UNC79: variants seen among roughly 807,000 people sequenced by gnomAD.
UNC79 encodes the protein unc-79 subunit of NALCN channel complex, also known as protein unc-79 homolog.
Under a neutral mutation model 283.1 loss-of-function variants are expected in UNC79, and 37 were observed. That is an observed-to-expected ratio of 0.13 (90% CI 0.10 to 0.17). The LOEUF is 0.17. Ranked by LOEUF, UNC79 falls within the 10% of genes least tolerant of loss-of-function variation. UNC79 has a pLI of 1.00. For missense variants in UNC79, 2,272 were observed against 3,211.1 expected (o/e 0.71, Z 7.07); for synonymous variants, 1,107 against 1,200.2 (o/e 0.92, Z 1.61).
At chr14:93,655,146 T>C in intron 37 of UNC79, 88 bp from the exon 41 acceptor site, 2 of 1,456,782 alleles carry the variant, frequency 1.4e-6, no homozygotes, top group East Asian at 2.3e-5. Context: ...AGCCTGAAGA[T>C]GTGACTTTTA....
intron 1 of UNC79, among the ~76,000 whole-genome samples, chr14:93,459,865 T>G: frequency 4.5e-5 from 1 of 22,432 alleles, no homozygotes; most frequent in Non-Finnish European, 8.0e-5. Flanking sequence ...AGAGACGGGG[T>G]TTCACCGTGT....
intron 23 of UNC79, 95 bp downstream of exon 23, chr14:93,593,932 C>T: frequency 7.2e-7 from 1 of 1,380,692 alleles, no homozygotes. Flanking sequence ...CTTGTCCCTT[C>T]TTTTTAAAAG....
chr14:93,411,778 C>T (rs1230998318), intron 1 of UNC79, among the ~76,000 whole-genome samples: 2 of 152,234 alleles, frequency 1.3e-5, no homozygotes, highest in African/African-American at 4.8e-5. Context: ...GATCACAACA[C>T]TCAAGTCCTC....
At chr14:93,632,591 G>A (rs1360039192) in intron 31 of UNC79, among the ~76,000 whole-genome samples, 1 of 151,860 alleles carries the variant, frequency 6.6e-6, no homozygotes, top group Non-Finnish European at 1.5e-5. Context: ...CCCAGCTACT[G>A]GGGAGGGCAA....
chr14:93,403,231 C>G (rs1757540895), intron 1 of UNC79, among the ~76,000 whole-genome samples: 2 of 152,214 alleles, frequency 1.3e-5, no homozygotes, highest in Admixed American at 6.5e-5. Context: ...ATCAGATATG[C>G]ATTTTTCTCG....
At chr14:93,519,579 C>G (rs2140949274) in intron 7 of UNC79, among the ~76,000 whole-genome samples, 1 of 151,866 alleles carries the variant, frequency 6.6e-6, no homozygotes, top group East Asian at 1.9e-4. Context: ...ACTTGTATGA[C>G]TGAAGCCTAT....
chr14:93,589,920 G>A (rs1037391279), intron 22 of UNC79, among the ~76,000 whole-genome samples: 6 of 152,200 alleles, frequency 3.9e-5, no homozygotes, highest in African/African-American at 1.4e-4. Flanking sequence ...TATTAGCCAA[G>A]TATGGTGGTG....
chr14:93,463,925 G>A (rs538391788), intron 1 of UNC79, among the ~76,000 whole-genome samples: 2 of 152,202 alleles, frequency 1.3e-5, no homozygotes, highest in East Asian at 1.9e-4. Context: ...GGAGGCGGGC[G>A]GATCACGAGG....
chr14:93,428,560 T>C (rs899547590), upstream of UNC79, among the ~76,000 whole-genome samples: 1 of 152,160 alleles, frequency 6.6e-6, no homozygotes, highest in African/African-American at 2.4e-5. Context: ...TTAATGGGCA[T>C]GTCAGAAGGC....
At chr14:93,424,758 CA>C (rs896391966) in intron 1 of UNC79, among the ~76,000 whole-genome samples, 1 of 150,614 alleles carries the variant, frequency 6.6e-6, no homozygotes, top group Non-Finnish European at 1.5e-5. Flanking sequence ...TTAATGGGTA[CA>C]AAAAATAGTT....
chr14:93,395,191 T>G (rs1164962191), intron 1 of UNC79, among the ~76,000 whole-genome samples: 1 of 152,226 alleles, frequency 6.6e-6, no homozygotes, highest in Non-Finnish European at 1.5e-5. Flanking sequence ...TTTATTTTAG[T>G]ATGGTCACTA....
In UNC79 at chr14:93,641,242, G is replaced by A. The variant is rs148566249; in HGVS notation, c.5898G>A (p.Thr1966=). Residue 1966 remains threonine, a synonymous_variant, in exon 33 of 49, where the codon ACG becomes ACA. Transcript: ENST00000555664. ...CTGACGAGCAGCCGACGGTGATGAC[G>A]GACAAGTAAGCTCGCACAGTTATTT... 672 of 1,611,862 alleles carry A rather than the reference G, an allele frequency of 4.2e-4. 2 individuals are homozygous for A. The African/African-American group carries it at 7.7e-3, about 18-fold the overall frequency.
intron 14 of UNC79, among the ~76,000 whole-genome samples, chr14:93,548,021 CA>C (rs771939625): frequency 6.6e-6 from 1 of 151,716 alleles, no homozygotes; most frequent in Non-Finnish European, 1.5e-5. Context: ...AAAACAAAAA[CA>C]AAAACAAAAA....
intron 1 of UNC79, chr14:93,347,084 C>T (rs1339307748): frequency 5.5e-6 from 3 of 543,610 alleles, no homozygotes; most frequent in Non-Finnish European, 9.2e-6. Context: ...GAGTGGTGAG[C>T]GGAAGAGGCG....
At chr14:93,347,464 G>C (rs2053878576) in intron 1 of UNC79, 2 of 1,375,966 alleles carry the variant, frequency 1.5e-6, no homozygotes, top group East Asian at 5.9e-5. Context: ...CGACGGGTGG[G>C]GAGAAGGGAG....
intron 41 of UNC79, among the ~76,000 whole-genome samples, chr14:93,673,883 G>C (rs996421233): frequency 6.6e-6 from 1 of 152,100 alleles, no homozygotes; most frequent in Admixed American, 6.6e-5. Context: ...GTAAAGGAGA[G>C]GGTGGGTCAG....
At chr14:93,658,225 C>G (rs1362760341) in intron 38 of UNC79, among the ~76,000 whole-genome samples, 1 of 152,194 alleles carries the variant, frequency 6.6e-6, no homozygotes, top group African/African-American at 2.4e-5. Flanking sequence ...CTGAAACCTT[C>G]TATAGTTTGT....
chr14:93,453,494 A>G (rs1054851025), intron 1 of UNC79, among the ~76,000 whole-genome samples: 7 of 152,248 alleles, frequency 4.6e-5, no homozygotes, highest in Non-Finnish European at 7.3e-5. Context: ...CTAAATCCAT[A>G]TATCTGAATT....
chr14:93,695,338 C>G (rs966655929), intron 47 of UNC79, among the ~76,000 whole-genome samples: 2 of 152,214 alleles, frequency 1.3e-5, no homozygotes, highest in African/African-American at 4.8e-5. Flanking sequence ...GTCACATTCA[C>G]TCACACTATG....
Sources: allele counts gnomAD v4.1 joint callset (sites outside exome capture counted in the v4.1 genomes callset), GRCh38; gene constraint gnomAD v4.1.1; transcripts MANE v1.5; gene names NCBI Gene and HGNC (gene_info 2026-07-23, HGNC 2026-07-21).